RHCG: variants seen among roughly 807,000 people sequenced by gnomAD.
The protein encoded by RHCG is Rh family C glycoprotein.
In RHCG, 39 loss-of-function variants were observed where a neutral mutation model predicts 55.3. The observed-to-expected ratio is 0.70, with a 90% confidence interval of 0.55 to 0.92. The LOEUF (loss-of-function observed/expected upper bound fraction) is 0.92, where lower values mean the gene tolerates loss of function less well. RHCG is among the 40% of genes least tolerant of loss of function. RHCG has a pLI of 0.00. For synonymous variants in RHCG, 250 were observed against 246.8 expected, an observed-to-expected ratio of 1.01 and a Z score of -0.12; for missense variants, 635 against 627.9, an observed-to-expected ratio of 1.01 and a Z score of -0.12.
chr15:89,478,106 T>A, intron 5 of RHCG, 132 bp from the exon 6 acceptor site: 1 of 1,206,524 alleles, frequency 8.3e-7, no homozygotes, highest in Non-Finnish European at 1.1e-6. Flanking sequence ...GGAGTTCACC[T>A]CAGCAAGCCA....
At chr15:89,492,734 A>G (rs974753323) in intron 1 of RHCG, among the ~76,000 whole-genome samples, 5 of 152,366 alleles carry the variant, frequency 3.3e-5, no homozygotes, top group South Asian at 2.1e-4. Context: ...TGTGATTGGG[A>G]AGTGCACAAA....
chr15:89,476,863 G>A (rs758451051), intron 8 of RHCG, 35 bp from the exon 9 acceptor site: 4 of 1,590,416 alleles, frequency 2.5e-6, no homozygotes, highest in Admixed American at 1.7e-5. Context: ...ATGTCAGGAA[G>A]TGCCTTCTCT....
chr15:89,493,030 T>C (rs747079011), intron 1 of RHCG, among the ~76,000 whole-genome samples: 2 of 152,238 alleles, frequency 1.3e-5, no homozygotes, highest in Non-Finnish European at 2.9e-5. Flanking sequence ...GGCTCCTCCA[T>C]GCAGTGATGC....
chr15:89,483,980 C>T (rs1961314224), intron 2 of RHCG, among the ~76,000 whole-genome samples: 2 of 152,262 alleles, frequency 1.3e-5, no homozygotes, highest in Admixed American at 1.3e-4. Flanking sequence ...GCCCACTTTG[C>T]CCAAGCCTGG....
At chr15:89,493,390 G>A (rs544300336) in intron 1 of RHCG, among the ~76,000 whole-genome samples, 34 of 152,222 alleles carry the variant, frequency 2.2e-4, no homozygotes, top group African/African-American at 8.0e-4. Flanking sequence ...CACTGCCAAC[G>A]TGAGTCCCCA....
chr15:89,493,814 C>G lies in RHCG; in HGVS notation c.184+2547G>C, dbSNP rs180710880. Among the ~76,000 whole-genome samples the G allele has an allele frequency of 1.8e-3, 279 of 152,250 alleles. 1 individual carries two copies. Among genetic ancestry groups the G allele is most frequent in the Non-Finnish European group, 2.9e-3 (198 of 68,012 alleles). On this transcript the variant is annotated intron_variant, in intron 1 of 10. Transcript: ENST00000268122. The stretch of plus-strand genomic sequence containing the variant: ...GCTCCCTGGTTTCCCAGCTGAGTGA[C>G]CTTTGCAAGACACTTCTCCGCTCTG...
chr15:89,487,658 G>T (rs1334757536), intron 1 of RHCG, among the ~76,000 whole-genome samples: 2 of 152,148 alleles, frequency 1.3e-5, no homozygotes, highest in East Asian at 3.9e-4. Flanking sequence ...CCATCTTCTG[G>T]GTGGATGACT....
rs1961059645 is a variant in RHCG, at chr15:89,472,656, T to G, written c.*24+55A>C. On this transcript the variant is annotated intron_variant, in intron 10 of 10. Coordinates refer to ENST00000268122, the MANE Select transcript of RHCG (RefSeq NM_016321.3). ...GCTAGTAACATCTGATTCTGAGAGC[T>G]GGGCCCCCACTGGGAGAACCTCCCT... 4 of 1,527,098 alleles carry G rather than the reference T, an allele frequency of 2.6e-6. No individual in the cohort carries two copies. The Admixed American group carries it at 7.6e-5, about 29-fold the overall frequency. 94.6% of individuals were successfully genotyped at this position (1,527,098 alleles called of 1,614,324 possible).
chr15:89,479,387 C>T lies in RHCG; in HGVS notation c.772G>A (p.Ala258Thr). 1 of 1,614,176 alleles carries T rather than the reference C, an allele frequency of 6.2e-7. No individual in the cohort carries two copies. The highest frequency in any genetic ancestry group is 8.5e-7 in the Non-Finnish European group (1 of 1,180,038). The part of the protein sequence containing the change: ...RAAINTYCSL[A>T]ACVLTSVAIS... ...GCCACCGAGGTAAGCACGCAGGCTG[C>T]CAAGGAGCAGTAGGTGTTGATGGCG... Residue 258 changes from alanine (A) to threonine (T), a missense_variant, in exon 5 of 11, where the codon GCA (alanine) becomes ACA (threonine). Coordinates refer to ENST00000268122, the MANE Select transcript of RHCG (RefSeq NM_016321.3).
chr15:89,483,180 C>T lies in RHCG; in HGVS notation c.409G>A (p.Val137Met), dbSNP rs780105604. ...TTACCCAGAACTGCCCCAAAGGCCA[C>T]GCAGACAGAGGCCACGCAGAAGTCA... is the stretch of plus-strand genomic sequence containing the variant. ...NADFCVASVC[V>M]AFGAVLGKVS... The change falls in exon 3 of 11, where the codon GTG (valine) becomes ATG (methionine). Residue 137 changes from valine to methionine, a missense_variant. Coordinates refer to ENST00000268122, the MANE Select transcript of RHCG (RefSeq NM_016321.3). The T allele has an allele frequency of 3.5e-5, 55 of 1,590,206 alleles. No homozygotes were observed. Among genetic ancestry groups the T allele is most frequent in the East Asian group, 2.3e-5 (1 of 44,272 alleles).
chr15:89,487,516 C>T (rs1961397743), intron 1 of RHCG, among the ~76,000 whole-genome samples: 2 of 152,338 alleles, frequency 1.3e-5, no homozygotes, highest in South Asian at 2.1e-4. Context: ...AATCAATGCT[C>T]ATCCGGCCAA....
intron 5 of RHCG, 90 bp from the exon 6 acceptor site, chr15:89,478,064 G>A (rs528895749): frequency 1.4e-6 from 2 of 1,480,956 alleles, no homozygotes; most frequent in East Asian, 2.3e-5. Flanking sequence ...GTGCAAGGGT[G>A]CAGCCTGGCT....
chr15:89,486,564 CAGAGAGAGAG>C (rs59120813), intron 2 of RHCG: 112 of 268,922 alleles, frequency 4.2e-4, no homozygotes, highest in African/African-American at 1.9e-3. Flanking sequence ...GAGAGAGAGA[CAGAGAGAGAG>C]AGAGAGAGAG....
At chr15:89,485,377 T>C (rs1961341419) in intron 2 of RHCG, among the ~76,000 whole-genome samples, 1 of 152,240 alleles carries the variant, frequency 6.6e-6, no homozygotes, top group Non-Finnish European at 1.5e-5. Context: ...TGTTTACTGG[T>C]TCCAACACAT....
At position 89,477,399 on chromosome 15, in the gene RHCG, G is replaced by A; in HGVS notation, c.1112+118C>T. The A allele has an allele frequency of 2.1e-6, 3 of 1,461,996 alleles. No homozygotes were observed. Among genetic ancestry groups the A allele is most frequent in the Non-Finnish European group, 2.8e-6 (3 of 1,078,100 alleles). The allele number at this position is 1,461,996 out of a possible 1,614,324, so 90.6% of individuals were successfully genotyped here. On this transcript the variant is annotated intron_variant, in intron 7 of 10. Transcript: ENST00000268122. The surrounding 1 kb of genome is among the most constrained non-coding windows in gnomAD (Gnocchi z 4.5). The stretch of plus-strand genomic sequence containing the variant: ...GGGAGAGAGACCCATGAAACAATTG[G>A]TCCAGAGTGGGGAAGGAAAGGGAGA...
In RHCG at chr15:89,477,532, A is replaced by G; in HGVS notation, c.1097T>C (p.Val366Ala). 6.2e-7 allele frequency: 1 copy of G among 1,613,976 alleles called. No individual in the cohort carries two copies. The highest frequency in any genetic ancestry group is 1.3e-5 in the African/African-American group (1 of 74,992). Residue 366 changes from valine to alanine, a missense_variant, in exon 7 of 11, where the codon GTC (valine) becomes GCC (alanine). Coordinates refer to ENST00000268122, the MANE Select transcript of RHCG (RefSeq NM_016321.3). The surrounding 1 kb of genome is among the most constrained non-coding windows in gnomAD (Gnocchi z 4.5). Reference protein sequence around the residue: ...AVTAASASLEVYGKEGLVHSF... With the variant: ...AVTAASASLEAYGKEGLVHSF... ...CCACATTTACCCTTCTTTTCCATAG[A>G]CTTCAAGGCTGGCGGAGGCCGCTGT... is the stretch of plus-strand genomic sequence containing the variant.
rs1188408453 is a variant in RHCG, at chr15:89,477,577, C to T, written c.1052G>A (p.Gly351Asp). The change falls in exon 7 of 11, where the codon GGC becomes GAC. Residue 351 changes from glycine to aspartate, a missense_variant. Coordinates refer to ENST00000268122, the MANE Select transcript of RHCG (RefSeq NM_016321.3). The surrounding 1 kb of genome is among the most constrained non-coding windows in gnomAD (Gnocchi z 4.5). ...CGCTGTCACAGCACCCACGATGCCG[C>T]CTATGATGCCAGGAATGCCATGCAG... ...NNLHGIPGII[G>D]GIVGAVTAAS... is the part of the protein sequence containing the mutation. 1 of 1,614,030 alleles carries T rather than the reference C, an allele frequency of 6.2e-7. No individual in the cohort carries two copies. The highest frequency in any genetic ancestry group is 1.7e-5 in the Admixed American group (1 of 60,012).
intron 1 of RHCG, among the ~76,000 whole-genome samples, chr15:89,495,573 C>T (rs761316270): frequency 7.9e-5 from 12 of 152,208 alleles, no homozygotes; most frequent in African/African-American, 2.9e-4. Context: ...CTAGCTCTCC[C>T]TGCTCCTGAG....
At position 89,476,244 on chromosome 15, in the gene RHCG, A is replaced by G. The variant is rs547840539; in HGVS notation, c.1311+511T>C. On this transcript the variant is annotated intron_variant, in intron 9 of 10. Transcript: ENST00000268122. ...ACCATGTCTGAATAAGTTTTCTATTATTTTTTGTAGAGACAGAGTCTCCCT... is the reference window on the plus strand; with the variant it reads ...ACCATGTCTGAATAAGTTTTCTATTGTTTTTTGTAGAGACAGAGTCTCCCT... Among the ~76,000 whole-genome samples the G allele has an allele frequency of 2.2e-4, 34 of 152,076 alleles. No individual in the cohort carries two copies. In the South Asian group the frequency reaches 7.1e-3, roughly 32 times the overall value.
Sources: gnomAD v4.1 joint callset for allele counts (sites outside exome capture counted in the v4.1 genomes callset) on GRCh38, gnomAD v4.1.1 for gene constraint, Gnocchi (gnomAD v3.1) non-coding constraint, MANE v1.5 for transcripts, NCBI Gene and HGNC (gene_info 2026-07-23, HGNC 2026-07-21) for gene names.